Variants in CUL4A observed in about 807,000 individuals in gnomAD.
CUL4A encodes cullin 4A, also known as cullin-4A.
A neutral mutation model predicts 95.5 loss-of-function variants in CUL4A; 16 were observed. The ratio of observed to expected loss-of-function variants is 0.17; its 90% CI spans 0.11 to 0.25. The LOEUF (loss-of-function observed/expected upper bound fraction) is 0.25, where lower values mean the gene tolerates loss of function less well. CUL4A is among the 10% of genes least tolerant of loss of function. CUL4A has a pLI of 1.00. For synonymous variants in CUL4A, 380 were observed against 353.1 expected (o/e 1.08, Z -0.85); for missense variants, 610 against 937.0 (o/e 0.65, Z 4.56).
chr13:113,225,259 G>C (rs2139144348), intron 3 of CUL4A, among the ~76,000 whole-genome samples: 1 of 152,250 alleles, frequency 6.6e-6, no homozygotes, highest in East Asian at 1.9e-4. Flanking sequence ...GTGTCTGTGT[G>C]TCTCACATCC....
rs1566343636 is a variant in CUL4A, at chr13:113,232,186, G to GTCACCACTAC, written c.513-991_513-990insTCACCACTAC. On this transcript the variant is annotated intron_variant, in intron 5 of 19. Transcript: ENST00000375440. Reference sequence around the variant, plus strand: ...CCACTACCCGCCCACCACCATTACTGCTGCCACCACTACCCGCCCACCACC... The same window carrying GTCACCACTAC: ...CCACTACCCGCCCACCACCATTACTGTCACCACTACCTGCCACCACTACCCGCCCACCACC... Among the ~76,000 whole-genome samples, 46 of 6,670 alleles carry GTCACCACTAC rather than the reference G, an allele frequency of 6.9e-3. 14 individuals carry two copies. Among genetic ancestry groups the GTCACCACTAC allele is most frequent in the African/African-American group, 0.011 (24 of 2,282 alleles). 4.4% of individuals were successfully genotyped at this position (6,670 alleles called of 152,430 possible).
At chr13:113,233,116 T>C in intron 5 of CUL4A, 61 bp from the exon 6 acceptor site, 1 of 1,536,042 alleles carries the variant, frequency 6.5e-7, no homozygotes, top group Non-Finnish European at 8.9e-7. Context: ...AGCTGGAGAT[T>C]CACCCATAAC....
At chr13:113,229,649 C>A in intron 5 of CUL4A, 130 bp downstream of exon 5, 1 of 742,838 alleles carries the variant, frequency 1.3e-6, no homozygotes, top group Non-Finnish European at 2.2e-6. Flanking sequence ...CAGCCAAAAT[C>A]ATTAACGTGA....
intron 3 of CUL4A, among the ~76,000 whole-genome samples, chr13:113,222,135 A>G (rs2040922011): frequency 6.6e-6 from 1 of 152,230 alleles, no homozygotes. Context: ...GACCACTGAC[A>G]GGATCCCTAA....
rs80187883 is a variant in CUL4A, at chr13:113,236,984, C to A, written c.916+94C>A. On this transcript the variant is annotated intron_variant, in intron 9 of 19. Transcript: ENST00000375440. ...GGCATTACAAATAGCAGTGTTAGGA[C>A]GTTTGTTATTTTCATAAGACAGTCA... 5.5e-4 allele frequency: 433 copies of A among 791,326 alleles called. 2 individuals are homozygous for A. The East Asian group carries it at 0.012, about 21-fold the overall frequency. 49.0% of individuals were successfully genotyped at this position (791,326 alleles called of 1,614,324 possible).
At chr13:113,221,931 G>C (rs72665219) in intron 3 of CUL4A, among the ~76,000 whole-genome samples, 6 of 152,356 alleles carry the variant, frequency 3.9e-5, no homozygotes, top group Non-Finnish European at 8.8e-5. Flanking sequence ...AGAAAGAGCA[G>C]CTAGCCCACC....
At position 113,229,490 on chromosome 13, in the gene CUL4A, G is replaced by A. The variant is rs753744543; in HGVS notation, c.483G>A (p.Val161=). ...TCCTGTTCTTGGACCGCACCTATGT[G>A]CTGCAGAACTCCACGCTGCCCTCCA... The part of the protein sequence containing the change: ...SIFLFLDRTY[V]LQNSTLPSIW... Residue 161 remains valine, a synonymous_variant, in exon 5 of 20, where the codon GTG becomes GTA. Transcript: ENST00000375440. The A allele has an allele frequency of 9.3e-6, 15 of 1,613,694 alleles. No individual in the cohort carries two copies. Among genetic ancestry groups the A allele is most frequent in the Non-Finnish European group, 1.2e-5 (14 of 1,180,018 alleles).
intron 5 of CUL4A, among the ~76,000 whole-genome samples, chr13:113,230,400 A>G (rs1375248914): frequency 3.9e-5 from 6 of 152,110 alleles, no homozygotes; most frequent in Non-Finnish European, 7.3e-5. Flanking sequence ...TACAACATCT[A>G]TACAATTTTG....
intron 15 of CUL4A, among the ~76,000 whole-genome samples, chr13:113,247,914 G>C (rs1200478767): frequency 6.6e-6 from 1 of 152,094 alleles, no homozygotes; most frequent in South Asian, 2.1e-4. Context: ...TGTTTTTCCG[G>C]TACCCAGCTG....
intron 2 of CUL4A, among the ~76,000 whole-genome samples, chr13:113,215,070 G>T (rs1349889340): frequency 6.7e-6 from 1 of 149,386 alleles, no homozygotes; most frequent in South Asian, 2.1e-4. Flanking sequence ...GGAGGTTGCT[G>T]TGTGACTGTG....
At chr13:113,257,608 A>G (rs1166130101) in intron 18 of CUL4A, among the ~76,000 whole-genome samples, 1 of 152,128 alleles carries the variant, frequency 6.6e-6, no homozygotes, top group Non-Finnish European at 1.5e-5. Flanking sequence ...TCTCATCACC[A>G]AGGGGAGGGC....
chr13:113,229,420 A>C (rs2041228846), intron 4 of CUL4A, 26 bp from the exon 5 acceptor site: 2 of 1,605,508 alleles, frequency 1.2e-6, no homozygotes, highest in African/African-American at 2.7e-5. Context: ...ATTCATAAGT[A>C]AATGGTTCTC....
intron 3 of CUL4A, among the ~76,000 whole-genome samples, chr13:113,227,654 C>G (rs572790654): frequency 6.6e-6 from 1 of 152,212 alleles, no homozygotes; most frequent in East Asian, 1.9e-4. Context: ...GCCTGTAATC[C>G]CGGCACTTTG....
intron 5 of CUL4A, among the ~76,000 whole-genome samples, chr13:113,230,760 A>AATTATT (rs35512827): frequency 1.4e-4 from 20 of 143,772 alleles, no homozygotes; most frequent in East Asian, 1.1e-3. Flanking sequence ...GCTTTTCAAA[A>AATTATT]ATTATTATTA....
chr13:113,229,491 C>T lies in CUL4A; in HGVS notation c.484C>T (p.Leu162=). ...CCTGTTCTTGGACCGCACCTATGTG[C>T]TGCAGAACTCCACGCTGCCCTCCAT... ...IFLFLDRTYV[L]QNSTLPSIWD... The change falls in exon 5 of 20, where the codon CTG becomes TTG. Residue 162 remains leucine, a synonymous_variant. Transcript: ENST00000375440. The T allele has an allele frequency of 6.2e-7, 1 of 1,613,684 alleles. No homozygotes were observed. The highest frequency in any genetic ancestry group is 8.5e-7 in the Non-Finnish European group (1 of 1,180,002).
At chr13:113,241,195 C>CA (rs1297912344) in intron 10 of CUL4A, among the ~76,000 whole-genome samples, 1 of 152,172 alleles carries the variant, frequency 6.6e-6, no homozygotes, top group Non-Finnish European at 1.5e-5. Flanking sequence ...GCCAGTGAGA[C>CA]AGTCTTCAGG....
intron 2 of CUL4A, 145 bp from the exon 3 acceptor site, chr13:113,218,797 TAAG>T: frequency 3.4e-6 from 2 of 592,270 alleles, no homozygotes; most frequent in Non-Finnish European, 5.9e-6. Context: ...TTAGCCATAA[TAAG>T]TAATTTATTT....
intron 10 of CUL4A, among the ~76,000 whole-genome samples, chr13:113,240,602 GA>G (rs1422719289): frequency 6.6e-6 from 1 of 151,902 alleles, no homozygotes. Flanking sequence ...ACACTAAGAG[GA>G]AAAAAAGAAA....
At chr13:113,250,697 T>C (rs2041971868) in intron 15 of CUL4A, among the ~76,000 whole-genome samples, 1 of 152,080 alleles carries the variant, frequency 6.6e-6, no homozygotes, top group Admixed American at 6.6e-5. Context: ...CCATGGTACT[T>C]CTCAAGGCAA....
Sources: allele counts gnomAD v4.1 joint callset (sites outside exome capture counted in the v4.1 genomes callset), GRCh38; gene constraint gnomAD v4.1.1; transcripts MANE v1.5; gene names NCBI Gene and HGNC (gene_info 2026-07-23, HGNC 2026-07-21).